SHCBP1L: variants seen among roughly 807,000 people sequenced by gnomAD.
The protein encoded by SHCBP1L is SHC binding and spindle associated 1 like.
SHCBP1L carries 67 observed loss-of-function variants against 62.5 expected under a neutral mutation model. The observed-to-expected ratio is 1.07, with a 90% CI of 0.88 to 1.31. The LOEUF (loss-of-function observed/expected upper bound fraction) is 1.31, where lower values mean the gene tolerates loss of function less well. Among genes scored for constraint, SHCBP1L ranks in the 40% most tolerant of loss-of-function variants. The pLI is 0.00. For synonymous variants in SHCBP1L, 284 were observed against 289.4 expected, an observed-to-expected ratio of 0.98 and a Z score of 0.19; for missense variants, 823 against 809.8, an observed-to-expected ratio of 1.02 and a Z score of -0.20.
chr1:182,925,497 T>G (rs1168256083), intron 6 of SHCBP1L, among the ~76,000 whole-genome samples: 3 of 152,022 alleles, frequency 2.0e-5, no homozygotes, highest in Non-Finnish European at 4.4e-5. Flanking sequence ...GAAATACCAC[T>G]TCACATTCGC....
chr1:182,926,361 T>G (rs977063035), intron 6 of SHCBP1L, among the ~76,000 whole-genome samples: 6 of 152,210 alleles, frequency 3.9e-5, no homozygotes, highest in African/African-American at 1.4e-4. Context: ...TCACCTTCTG[T>G]AGCACTTCAG....
At chr1:182,941,249 A>G (rs1651353859) in intron 2 of SHCBP1L, among the ~76,000 whole-genome samples, 1 of 147,066 alleles carries the variant, frequency 6.8e-6, no homozygotes, top group African/African-American at 2.6e-5. Flanking sequence ...GGCTACTCAA[A>G]CACCAAAAAA....
rs1341057842 is a variant in SHCBP1L at position 182,952,820 on chromosome 1, G to T, written c.314C>A (p.Pro105His). ...PVPEDEEEAQ[P>H]LPPVCVSRMR... ...ACGGGACACGCAGACTGGGGGCAGGGGCTGCGCCTCCTCTTCATCCTCAGG... is the reference window on the plus strand; with the variant it reads ...ACGGGACACGCAGACTGGGGGCAGGTGCTGCGCCTCCTCTTCATCCTCAGG... Residue 105 changes from proline to histidine, a missense_variant, in exon 1 of 10, where the codon CCC becomes CAC. Pro to His is a moderately conservative substitution (Grantham distance 77). Coordinates refer to ENST00000367547, the MANE Select transcript of SHCBP1L (RefSeq NM_030933.4). The T allele has an allele frequency of 6.2e-7, 1 of 1,612,524 alleles. No homozygotes were observed. Among genetic ancestry groups the T allele is most frequent in the Admixed American group, 1.7e-5 (1 of 59,938 alleles).
intron 6 of SHCBP1L, among the ~76,000 whole-genome samples, chr1:182,915,161 CAAAAAAAAAAAAAAAAAAAAAAAA>C (rs371432299): frequency 0.12 from 3,780 of 32,416 alleles, 271 homozygotes; most frequent in Admixed American, 0.32. Flanking sequence ...GACTCTGTCT[CAAAAAAAAAAAAAAAAAAAAAAAA>C]AAAAAAAAAA....
rs141386906 is a variant in SHCBP1L, at chr1:182,929,746, A to G, written c.1083T>C (p.His361=). 6.4e-7 allele frequency: 1 copy of G among 1,572,288 alleles called. No homozygotes were observed. The highest frequency in any genetic ancestry group is 8.6e-7 in the Non-Finnish European group (1 of 1,161,946). The change falls in exon 6 of 10, where the codon CAT becomes CAC. Residue 361 remains histidine, a synonymous_variant. Transcript: ENST00000367547. ...KMWEDLRLRV[H]GPFFPRILRR... is the part of the protein sequence containing the mutation. ...TCAGAATTCTTGGAAAGAAAGGTCC[A>G]TGAACTCTATAGTTGAAAATATTTA...
At chr1:182,938,451 A>G (rs998737030) in intron 5 of SHCBP1L, among the ~76,000 whole-genome samples, 2 of 149,840 alleles carry the variant, frequency 1.3e-5, no homozygotes, top group South Asian at 4.3e-4. Flanking sequence ...GGTCAAAAAA[A>G]CAAACAAACA....
At chr1:182,927,812 CTAAT>C (rs1650830748) in intron 6 of SHCBP1L, among the ~76,000 whole-genome samples, 1 of 152,060 alleles carries the variant, frequency 6.6e-6, no homozygotes, top group Non-Finnish European at 1.5e-5. Flanking sequence ...TAGTCTCCCT[CTAAT>C]TATTCTGGCC....
At chr1:182,934,569 T>C (rs1289597538) in intron 5 of SHCBP1L, among the ~76,000 whole-genome samples, 1 of 152,178 alleles carries the variant, frequency 6.6e-6, no homozygotes, top group African/African-American at 2.4e-5. Flanking sequence ...GCTCTTTGTA[T>C]ATTTTAGATA....
chr1:182,917,629 C>A (rs1650395116), intron 6 of SHCBP1L, among the ~76,000 whole-genome samples: 1 of 152,200 alleles, frequency 6.6e-6, no homozygotes, highest in Admixed American at 6.5e-5. Context: ...CCTCTCTCAG[C>A]TTGCAGGTGG....
chr1:182,951,655 ATTAAAC>A (rs1188647338), intron 1 of SHCBP1L, among the ~76,000 whole-genome samples, 188 bp from the exon 2 acceptor site: 1 of 152,200 alleles, frequency 6.6e-6, no homozygotes, highest in East Asian at 1.9e-4. Flanking sequence ...CCAACAAAAA[ATTAAAC>A]TTAAAAGAGA....
intron 6 of SHCBP1L, among the ~76,000 whole-genome samples, chr1:182,907,825 C>T (rs978730295): frequency 2.6e-5 from 4 of 152,036 alleles, no homozygotes; most frequent in Non-Finnish European, 5.9e-5. Flanking sequence ...GTGATCCACC[C>T]GCCTTGGTCT....
intron 3 of SHCBP1L, 124 bp from the exon 4 acceptor site, chr1:182,939,677 A>G (rs1651294563): frequency 2.8e-6 from 2 of 720,606 alleles, no homozygotes; most frequent in Non-Finnish European, 4.3e-6. Context: ...ATATTTTAAA[A>G]TGACCTTTGA....
chr1:182,945,424 A>G (rs995062436), intron 2 of SHCBP1L, among the ~76,000 whole-genome samples: 1 of 152,184 alleles, frequency 6.6e-6, no homozygotes, highest in Non-Finnish European at 1.5e-5. Context: ...GACCAGTTCT[A>G]TTCTGAAGTG....
intron 6 of SHCBP1L, among the ~76,000 whole-genome samples, chr1:182,921,767 G>A (rs180716935): frequency 3.7e-4 from 57 of 152,168 alleles, no homozygotes; most frequent in African/African-American, 1.3e-3. Flanking sequence ...TTAACCAGGC[G>A]CGGTGGCAAC....
chr1:182,953,021 G>A lies in SHCBP1L; in HGVS notation c.113C>T (p.Thr38Ile), dbSNP rs979589941. ...TGGGATCGCGGTGCCCTTCAGGGTG[G>A]TCGCGGCCGCCGTGTCCCCGGAGAC... Reference protein sequence around the residue: ...SAVSGDTAAATTLKGTAIPVR... With the variant: ...SAVSGDTAAAITLKGTAIPVR... Residue 38 changes from threonine (T) to isoleucine (I), a missense_variant, in exon 1 of 10, where the codon ACC becomes ATC. Transcript: ENST00000367547. 6.5e-7 allele frequency: 1 copy of A among 1,542,370 alleles called. No individual in the cohort carries two copies. The highest frequency in any genetic ancestry group is 8.7e-7 in the Non-Finnish European group (1 of 1,148,660).
chr1:182,930,551 G>GTGTATATATATA (rs1399656724), intron 5 of SHCBP1L, among the ~76,000 whole-genome samples: 1 of 49,470 alleles, frequency 2.0e-5, no homozygotes, highest in African/African-American at 8.9e-5. Context: ...TAGTGTGTGT[G>GTGTATATATATA]TATATATATA....
chr1:182,926,745 T>C (rs1225477464), intron 6 of SHCBP1L, among the ~76,000 whole-genome samples: 1 of 152,108 alleles, frequency 6.6e-6, no homozygotes, highest in Non-Finnish European at 1.5e-5. Flanking sequence ...GGAATACCAC[T>C]GTTTCTCCTA....
chr1:182,925,766 A>G (rs1408112132), intron 6 of SHCBP1L, among the ~76,000 whole-genome samples: 4 of 152,218 alleles, frequency 2.6e-5, no homozygotes, highest in Non-Finnish European at 5.9e-5. Context: ...AGATGTTCAC[A>G]GCCCCACTTT....
intron 6 of SHCBP1L, among the ~76,000 whole-genome samples, chr1:182,928,566 G>A (rs1195327398): frequency 6.6e-6 from 1 of 152,072 alleles, no homozygotes; most frequent in Non-Finnish European, 1.5e-5. Flanking sequence ...AGCAGGCAGA[G>A]GAAACAACAC....
Sources: allele counts gnomAD v4.1 joint callset (sites outside exome capture counted in the v4.1 genomes callset), GRCh38; gene constraint gnomAD v4.1.1; transcripts MANE v1.5; gene names NCBI Gene and HGNC (gene_info 2026-07-23, HGNC 2026-07-21).